Variants in MMP2 observed in about 807,000 individuals in gnomAD.
MMP2 encodes the protein matrix metallopeptidase 2, also known as 72 kDa type IV collagenase.
Under a neutral mutation model 74.8 loss-of-function variants are expected in MMP2, and 39 were observed. The ratio of observed to expected loss-of-function variants is 0.52; its 90% CI spans 0.40 to 0.68. The LOEUF is 0.68. MMP2 is among the 30% of genes least tolerant of loss of function. MMP2 has a pLI of 0.00. For synonymous variants in MMP2, 367 were observed against 339.8 expected (o/e 1.08, Z -0.88); for missense variants, 803 against 878.3 (o/e 0.91, Z 1.08).
In MMP2 at chr16:55,503,015, C is replaced by G. The variant is rs1962709778; in HGVS notation, c.1879+127C>G. The G allele has an allele frequency of 9.3e-6, 7 of 756,204 alleles. No homozygotes were observed. In the East Asian group the frequency reaches 1.9e-4, roughly 20 times the overall value. The allele number at this position is 756,204 out of a possible 1,614,324, so 46.8% of individuals were successfully genotyped here. ...GCAGGCGGCGCCCAGGAAAACAAATCAACTCCTTCATCCTAGTGCTGGGAA... is the reference window on the plus strand; with the variant it reads ...GCAGGCGGCGCCCAGGAAAACAAATGAACTCCTTCATCCTAGTGCTGGGAA... On this transcript the variant is annotated intron_variant, in intron 12 of 12. Coordinates refer to ENST00000219070, the MANE Select transcript of MMP2 (RefSeq NM_004530.6).
At chr16:55,480,298 C>G (rs1255858779) in intron 1 of MMP2, among the ~76,000 whole-genome samples, 1 of 152,202 alleles carries the variant, frequency 6.6e-6, no homozygotes, top group African/African-American at 2.4e-5. Context: ...GAGAGCGCAT[C>G]TTTTTTCTCC....
At chr16:55,488,987 G>T (rs1362345904) in intron 6 of MMP2, among the ~76,000 whole-genome samples, 3 of 152,282 alleles carry the variant, frequency 2.0e-5, no homozygotes, top group African/African-American at 4.8e-5. Context: ...TCCTCTGACC[G>T]ACCTGCATCC....
Position 55,479,446 on chromosome 16 carries a change from C to G in MMP2, c.-34C>G. On this transcript the variant is annotated 5_prime_UTR_variant, in exon 1 of 13. Transcript: ENST00000219070. ...CGGCCACACGCACCGAGCCAGCGAC[C>G]CCCGGGCGACGCGCGGGGCCAGGGA... 6.8e-7 allele frequency: 1 copy of G among 1,464,744 alleles called. No individual in the cohort carries two copies. The highest frequency in any genetic ancestry group is 9.0e-7 in the Non-Finnish European group (1 of 1,112,744). 90.7% of individuals were successfully genotyped at this position (1,464,744 alleles called of 1,614,324 possible).
intron 11 of MMP2, among the ~76,000 whole-genome samples, chr16:55,498,716 C>G (rs1430720054): frequency 6.6e-6 from 1 of 152,188 alleles, no homozygotes; most frequent in African/African-American, 2.4e-5. Flanking sequence ...TCTGGACCCT[C>G]ACATTTTGAA....
chr16:55,504,134 G>C (rs973185952), intron 12 of MMP2, among the ~76,000 whole-genome samples: 6 of 152,076 alleles, frequency 3.9e-5, no homozygotes, highest in African/African-American at 7.2e-5. Context: ...TTCCAGACTG[G>C]GTGACAGAGT....
In MMP2 at chr16:55,505,372, T is replaced by A. The variant is rs1362690550; in HGVS notation, c.1913T>A (p.Leu638Gln). The A allele has an allele frequency of 6.2e-7, 1 of 1,614,122 alleles. No homozygotes were observed. The highest frequency in any genetic ancestry group is 1.7e-5 in the Admixed American group (1 of 60,026). The change falls in exon 13 of 13, where the codon CTG (leucine) becomes CAG (glutamine). Residue 638 changes from leucine (L) to glutamine (Q), a missense_variant. Physicochemically the swap from Leu to Gln is moderately radical, Grantham distance 113 (BLOSUM62 -2). Around this residue, in one of 3 missense-constraint regions of MMP2, gnomAD observed 555 missense variants for 592.0 expected, o/e 0.94. Transcript: ENST00000219070. ...TACTTCTTCAAGGGTGCCTATTACC[T>A]GAAGCTGGAGAACCAAAGTCTGAAG... ...HSYFFKGAYY[L>Q]KLENQSLKSV...
chr16:55,495,763 GC>G (rs1229525419), intron 9 of MMP2, among the ~76,000 whole-genome samples: 2 of 152,206 alleles, frequency 1.3e-5, no homozygotes, highest in Non-Finnish European at 2.9e-5. Context: ...AGAGCTGCCT[GC>G]AGGGGCAGAG....
intron 12 of MMP2, among the ~76,000 whole-genome samples, chr16:55,504,269 G>A (rs1962741435): frequency 6.6e-6 from 1 of 152,168 alleles, no homozygotes; most frequent in African/African-American, 2.4e-5. Context: ...ATGTTTACAT[G>A]TTGGCAAGTT....
chr16:55,505,828 G>T lies in MMP2; in HGVS notation c.*386G>T. The T allele has an allele frequency of 3.3e-6, 1 of 305,048 alleles. No individual in the cohort carries two copies. Among genetic ancestry groups the T allele is most frequent in the Non-Finnish European group, 6.4e-6 (1 of 157,064 alleles). The allele number at this position is 305,048 out of a possible 1,614,324, so 18.9% of individuals were successfully genotyped here. On this transcript the variant is annotated 3_prime_UTR_variant, in exon 13 of 13. Coordinates refer to ENST00000219070, the MANE Select transcript of MMP2 (RefSeq NM_004530.6). ...GAGCCAATGGAGACTGTCTCAAGAGGGCACTGGTGGCCCGACAGCCTGGCA... is the reference window on the plus strand; with the variant it reads ...GAGCCAATGGAGACTGTCTCAAGAGTGCACTGGTGGCCCGACAGCCTGGCA...
intron 8 of MMP2, 40 bp downstream of exon 8, chr16:55,491,996 G>GTGTGTT: frequency 7.1e-7 from 1 of 1,408,352 alleles, no homozygotes; most frequent in Non-Finnish European, 9.9e-7. Flanking sequence ...AGGGTGAGGA[G>GTGTGTT]GGGGGAGGTC....
intron 12 of MMP2, 40 bp downstream of exon 12, chr16:55,502,928 C>A: frequency 6.6e-7 from 1 of 1,517,284 alleles, no homozygotes; most frequent in Non-Finnish European, 9.1e-7. Context: ...TAGGACTCCC[C>A]GCCCCTAGCC....
At chr16:55,492,203 G>A (rs1962427094) in intron 8 of MMP2, among the ~76,000 whole-genome samples, 1 of 152,080 alleles carries the variant, frequency 6.6e-6, no homozygotes, top group South Asian at 2.1e-4. Flanking sequence ...CTCCATTTCT[G>A]GGTTTCTCCC....
intron 8 of MMP2, among the ~76,000 whole-genome samples, chr16:55,492,717 T>A (rs975608474): frequency 6.6e-6 from 1 of 152,048 alleles, no homozygotes; most frequent in Non-Finnish European, 1.5e-5. Context: ...CTCTTTGGAC[T>A]CAGTTTCCTC....
chr16:55,485,368 G>A lies in MMP2; in HGVS notation c.599G>A (p.Gly200Asp). ...LLAHAFAPGT[G>D]VGGDSHFDDD... is the part of the protein sequence containing the mutation. ...GCTCATGCCTTCGCCCCAGGCACTG[G>A]TGTTGGGGGAGACTCCCATTTTGAT... The change falls in exon 4 of 13, where the codon GGT becomes GAT. Residue 200 changes from glycine to aspartate, a missense_variant. By Grantham distance (94) the Gly-to-Asp change is moderately conservative. This residue lies in a region of MMP2 where 25 missense variants were observed against 53.5 expected (regional missense o/e 0.47). Transcript: ENST00000219070. 6.2e-7 allele frequency: 1 copy of A among 1,614,154 alleles called. No individual in the cohort carries two copies. The highest frequency in any genetic ancestry group is 1.1e-5 in the South Asian group (1 of 91,076).
At chr16:55,486,359 G>GCC (rs1478509534) in intron 5 of MMP2, among the ~76,000 whole-genome samples, 91 of 72,624 alleles carry the variant, frequency 1.3e-3, no homozygotes, top group African/African-American at 3.7e-3. Flanking sequence ...GTGTGTGTGT[G>GCC]TGTGTGTGTG....
intron 4 of MMP2, 58 bp downstream of exon 4, chr16:55,485,485 A>G: frequency 1.2e-6 from 2 of 1,613,408 alleles, no homozygotes; most frequent in South Asian, 1.1e-5. Flanking sequence ...TCTCCACTCC[A>G]TTTGCTTGGA....
chr16:55,488,442 A>G (rs1202266425), intron 5 of MMP2, 101 bp from the exon 6 acceptor site: 23 of 1,156,756 alleles, frequency 2.0e-5, no homozygotes, highest in African/African-American at 1.7e-4. Flanking sequence ...TTAACAATGC[A>G]TCAACTTCAC....
chr16:55,491,315 C>T (rs528694749), intron 7 of MMP2, among the ~76,000 whole-genome samples: 6 of 152,216 alleles, frequency 3.9e-5, no homozygotes, highest in South Asian at 2.1e-4. Context: ...TGTGCAACCA[C>T]GCTAAGTGTG....
rs1393005922 is a variant in MMP2 at position 55,506,589 on chromosome 16, T to G, written c.*1147T>G. 2.6e-5 allele frequency: 4 copies of G among 152,068 alleles called. No homozygotes were observed. The highest frequency in any genetic ancestry group is 9.7e-5 in the African/African-American group (4 of 41,382). The allele number at this position is 152,068 out of a possible 1,614,324, so 9.4% of individuals were successfully genotyped here. On this transcript the variant is annotated 3_prime_UTR_variant, in exon 13 of 13. Coordinates refer to ENST00000219070, the MANE Select transcript of MMP2 (RefSeq NM_004530.6). The stretch of plus-strand genomic sequence containing the variant: ...ATAATATCCCCCTCAATTAATAGAG[T>G]GCTTTCTATGTGCAAGGCACTTTTC...
Sources: gnomAD v4.1 joint callset for allele counts (sites outside exome capture counted in the v4.1 genomes callset) on GRCh38, gnomAD v4.1.1 for gene constraint, gnomAD v4.1.1 regional missense constraint, MANE v1.5 for transcripts, NCBI Gene and HGNC (gene_info 2026-07-23, HGNC 2026-07-21) for gene names.